The following PTPRG variants were observed in gnomAD, a reference collection of about 807,000 sequenced individuals.
PTPRG encodes receptor-type tyrosine-protein phosphatase gamma.
Under a neutral mutation model 165.3 loss-of-function variants are expected in PTPRG, and 102 were observed. That is an observed-to-expected ratio of 0.62 (90% CI 0.53 to 0.73). PTPRG has a LOEUF of 0.73. PTPRG is among the 30% of genes least tolerant of loss of function. The pLI, the probability that PTPRG is intolerant of heterozygous loss-of-function variation, is 0.00. For missense variants in PTPRG, 1,866 were observed against 1,861.4 expected (o/e 1.00, Z -0.05); for synonymous variants, 675 against 669.5 (o/e 1.01, Z -0.13).
Position 62,188,876 on chromosome 3 carries a change from C to T in PTPRG, c.1034-2593C>T, listed in dbSNP as rs114231065. Among the ~76,000 whole-genome samples, 615 of 152,070 alleles carry T rather than the reference C, an allele frequency of 4.0e-3. 3 individuals are homozygous for T. Among genetic ancestry groups the T allele is most frequent in the African/African-American group, 0.013 (528 of 41,466 alleles). On this transcript the variant is annotated intron_variant, in intron 8 of 29. Coordinates refer to ENST00000474889, the MANE Select transcript of PTPRG (RefSeq NM_002841.4). ...CATCATTATGGGATATAGAAGCTTC[C>T]CAATATGTACATCTCGGTTCGTTAT...
intron 4 of PTPRG, among the ~76,000 whole-genome samples, chr3:62,056,569 A>G (rs1700642854): frequency 6.6e-6 from 1 of 152,228 alleles, no homozygotes; most frequent in Non-Finnish European, 1.5e-5. Context: ...TTTGGGCTTA[A>G]TAAGCCTTTG....
chr3:62,161,373 T>C (rs1382337677), intron 7 of PTPRG, among the ~76,000 whole-genome samples: 2 of 152,170 alleles, frequency 1.3e-5, no homozygotes, highest in African/African-American at 4.8e-5. Flanking sequence ...AGATTAATTT[T>C]AGTAGTATAA....
intron 1 of PTPRG, among the ~76,000 whole-genome samples, chr3:61,746,632 G>T (rs2033217366): frequency 6.6e-6 from 1 of 152,106 alleles, no homozygotes; most frequent in Non-Finnish European, 1.5e-5. Flanking sequence ...GAAGGAAGAA[G>T]AATCTCTCTG....
Position 61,738,300 on chromosome 3 carries a change from A to G in PTPRG, c.86-10578A>G, listed in dbSNP as rs141410028. On this transcript the variant is annotated intron_variant, in intron 1 of 29. Coordinates refer to ENST00000474889, the MANE Select transcript of PTPRG (RefSeq NM_002841.4). ...TATACATATATATATATATATATAT[A>G]TATATATATATACATATATATATAT... Among the ~76,000 whole-genome samples the G allele has an allele frequency of 3.5e-3, 210 of 60,586 alleles. 12 individuals are homozygous for G. In the East Asian group the frequency reaches 0.11, roughly 31 times the overall value. The allele number at this position is 60,586 out of a possible 152,430, so 39.7% of individuals were successfully genotyped here. A position where few individuals can be genotyped will look rare whatever the true frequency, so the allele number is the denominator to read the frequency against.
chr3:61,621,051 A>ATATATATATGTGTGTGTGTGTGTGTG, intron 1 of PTPRG, among the ~76,000 whole-genome samples: 59 of 117,974 alleles, frequency 5.0e-4, no homozygotes, highest in Non-Finnish European at 4.7e-4. Context: ...ATATATATAT[A>ATATATATATGTGTGTGTGTGTGTGTG]TGTGTGTGTG....
At chr3:61,827,270 C>T (rs1184675332) in intron 2 of PTPRG, among the ~76,000 whole-genome samples, 6 of 152,170 alleles carry the variant, frequency 3.9e-5, no homozygotes, top group South Asian at 2.1e-4. Context: ...GACTGGTTTG[C>T]GGCATAACGT....
chr3:61,679,469 A>T (rs1703352376), intron 1 of PTPRG, among the ~76,000 whole-genome samples: 1 of 152,116 alleles, frequency 6.6e-6, no homozygotes, highest in Admixed American at 6.5e-5. Context: ...TAACAGTATG[A>T]TCTTAAGATA....
At chr3:62,127,729 C>A (rs1340457765) in intron 5 of PTPRG, among the ~76,000 whole-genome samples, 1 of 152,124 alleles carries the variant, frequency 6.6e-6, no homozygotes, top group Non-Finnish European at 1.5e-5. Context: ...TTATTAGGAT[C>A]CAAGTCAAGG....
chr3:62,165,489 T>C (rs529390903), intron 7 of PTPRG, among the ~76,000 whole-genome samples: 1 of 152,288 alleles, frequency 6.6e-6, no homozygotes, highest in East Asian at 1.9e-4. Context: ...TTTCCTAATT[T>C]TTCTGTCATG....
At chr3:61,663,652 A>T (rs183312120) in intron 1 of PTPRG, among the ~76,000 whole-genome samples, 12 of 152,280 alleles carry the variant, frequency 7.9e-5, no homozygotes, top group Admixed American at 2.6e-4. Context: ...TGAAATAATT[A>T]TACAGTTCAC....
At chr3:61,730,110 C>T (rs1322707876) in intron 1 of PTPRG, among the ~76,000 whole-genome samples, 1 of 152,168 alleles carries the variant, frequency 6.6e-6, no homozygotes, top group African/African-American at 2.4e-5. Flanking sequence ...GGTTTGTGAC[C>T]ACCACGGGGC....
chr3:62,243,990 G>T lies in PTPRG; in HGVS notation c.2467+92G>T, dbSNP rs1701228241. ...TGATAAAACAACAAAATATTTTATAGCCTTTTAAAGCTTGCCCAGTATAAG... is the reference window on the plus strand; with the variant it reads ...TGATAAAACAACAAAATATTTTATATCCTTTTAAAGCTTGCCCAGTATAAG... On this transcript the variant is annotated intron_variant, in intron 15 of 29. Transcript: ENST00000474889. 6 of 742,886 alleles carry T rather than the reference G, an allele frequency of 8.1e-6. No homozygotes were observed. In the South Asian group the frequency reaches 1.2e-4, roughly 15 times the overall value. 46.0% of individuals were successfully genotyped at this position (742,886 alleles called of 1,614,324 possible).
At chr3:61,950,507 C>G (rs774611523) in intron 2 of PTPRG, among the ~76,000 whole-genome samples, 3 of 152,124 alleles carry the variant, frequency 2.0e-5, no homozygotes, top group Non-Finnish European at 4.4e-5. Flanking sequence ...CTTGGTATTT[C>G]TTTCAGACAG....
At chr3:62,095,961 G>A (rs1179553206) in intron 5 of PTPRG, among the ~76,000 whole-genome samples, 1 of 152,152 alleles carries the variant, frequency 6.6e-6, no homozygotes, top group Non-Finnish European at 1.5e-5. Context: ...ACCACAAAAA[G>A]AGCCTTGAAG....
At chr3:62,112,961 C>T in intron 5 of PTPRG, among the ~76,000 whole-genome samples, 1 of 152,142 alleles carries the variant, frequency 6.6e-6, no homozygotes, top group East Asian at 1.9e-4. Flanking sequence ...CCTTTCGGAG[C>T]AGACCGTACC....
At chr3:61,937,199 G>C (rs554188176) in intron 2 of PTPRG, among the ~76,000 whole-genome samples, 4 of 152,332 alleles carry the variant, frequency 2.6e-5, no homozygotes, top group South Asian at 4.1e-4. Flanking sequence ...TAACCTGTGT[G>C]AGAGATTGCT....
intron 1 of PTPRG, among the ~76,000 whole-genome samples, chr3:61,713,895 G>A (rs185280100): frequency 6.6e-6 from 1 of 152,166 alleles, no homozygotes; most frequent in Admixed American, 6.5e-5. Flanking sequence ...TGTTAAAAAG[G>A]CATTAAAGCA....
At chr3:61,953,789 C>T (rs1350060096) in intron 2 of PTPRG, among the ~76,000 whole-genome samples, 1 of 152,182 alleles carries the variant, frequency 6.6e-6, no homozygotes, top group African/African-American at 2.4e-5. Context: ...AACAAAAACC[C>T]TTCTGTGTAT....
intron 1 of PTPRG, among the ~76,000 whole-genome samples, chr3:61,610,902 G>T (rs1021036333): frequency 2.6e-5 from 4 of 151,910 alleles, no homozygotes; most frequent in African/African-American, 9.7e-5. Context: ...TACCTTCTGG[G>T]TTCAAGTGAT....
Sources: gnomAD v4.1 joint callset for allele counts (sites outside exome capture counted in the v4.1 genomes callset) on GRCh38, gnomAD v4.1.1 for gene constraint, MANE v1.5 for transcripts, NCBI Gene and HGNC (gene_info 2026-07-23, HGNC 2026-07-21) for gene names.